Variants in TRABD2A observed in about 807,000 individuals in gnomAD.
The protein encoded by TRABD2A is metalloprotease TIKI1.
Under a neutral mutation model 45.6 loss-of-function variants are expected in TRABD2A, and 43 were observed. That is an observed-to-expected ratio of 0.94 (90% CI 0.74 to 1.22). The LOEUF is 1.22. Ranked by LOEUF, TRABD2A falls within the 50% of genes most tolerant of loss-of-function variation. The pLI, the probability that TRABD2A is intolerant of heterozygous loss-of-function variation, is 0.00. For synonymous variants in TRABD2A, 269 were observed against 265.0 expected (o/e 1.02, Z -0.15); for missense variants, 642 against 652.4 (o/e 0.98, Z 0.17).
At chr2:84,880,749 G>T (rs1683175618) in intron 1 of TRABD2A, among the ~76,000 whole-genome samples, 183 bp downstream of exon 1, 1 of 152,172 alleles carries the variant, frequency 6.6e-6, no homozygotes, top group Admixed American at 6.5e-5. Flanking sequence ...CTGCGCCCCC[G>T]CGGGAAAGGG....
chr2:84,857,537 A>G (rs1254633567), intron 2 of TRABD2A, among the ~76,000 whole-genome samples: 1 of 152,220 alleles, frequency 6.6e-6, no homozygotes, highest in African/African-American at 2.4e-5. Context: ...CTGAATGATT[A>G]TCAACTATAT....
rs1288129249 is a variant in TRABD2A, at chr2:84,877,407, G to A, written c.108+3525C>T. The stretch of plus-strand genomic sequence containing the variant: ...TTAAAAGAAAAAAAAACTGAACCAC[G>A]ATTAACATGTCCCTTCTAACTTGTT... On this transcript the variant is annotated intron_variant, in intron 1 of 6. Transcript: ENST00000409520. Among the ~76,000 whole-genome samples the A allele has an allele frequency of 2.0e-5, 3 of 152,072 alleles. No individual in the cohort carries two copies. In the East Asian group the frequency reaches 5.8e-4, roughly 29 times the overall value.
At chr2:84,824,226 A>G in intron 5 of TRABD2A, 22 bp from the exon 6 acceptor site, 2 of 1,612,982 alleles carry the variant, frequency 1.2e-6, no homozygotes, top group Non-Finnish European at 1.7e-6. Context: ...TGGAAGGAGA[A>G]GGTATTTGGA....
At chr2:84,834,545 TTCA>T (rs1293386804) in intron 4 of TRABD2A, 1 of 152,420 alleles carries the variant, frequency 6.6e-6, no homozygotes, top group Non-Finnish European at 1.5e-5. Context: ...TTAAAACATT[TTCA>T]TCGTTTTGAC....
At chr2:84,835,909 A>G (rs1681493217) in intron 4 of TRABD2A, 1 of 152,364 alleles carries the variant, frequency 6.6e-6, no homozygotes, top group African/African-American at 2.4e-5. Flanking sequence ...TAATACCATG[A>G]CAATAATAAT....
Position 84,880,017 on chromosome 2 carries a change from G to C in TRABD2A, c.108+915C>G, listed in dbSNP as rs553483475. Among the ~76,000 whole-genome samples, 63 of 134,438 alleles carry C rather than the reference G, an allele frequency of 4.7e-4. No individual in the cohort carries two copies. In the South Asian group the frequency reaches 0.014, roughly 29 times the overall value. 88.2% of individuals were successfully genotyped at this position (134,438 alleles called of 152,430 possible). The stretch of plus-strand genomic sequence containing the variant: ...CCAACCCCCCCCACCCCCGCGTCGC[G>C]GGCGCACCAGAAGGATAAGCCTGGC... On this transcript the variant is annotated intron_variant, in intron 1 of 6. Transcript: ENST00000409520.
intron 2 of TRABD2A, among the ~76,000 whole-genome samples, chr2:84,846,514 G>A (rs983813412): frequency 2.0e-5 from 3 of 152,218 alleles, no homozygotes; most frequent in Non-Finnish European, 4.4e-5. Flanking sequence ...GCTGAGAAGA[G>A]CAAGGATCCT....
chr2:84,845,827 T>A (rs1004471303), intron 2 of TRABD2A, among the ~76,000 whole-genome samples: 1 of 152,142 alleles, frequency 6.6e-6, no homozygotes, highest in Non-Finnish European at 1.5e-5. Flanking sequence ...TGCCCACTGT[T>A]CCAAGCACTG....
intron 2 of TRABD2A, among the ~76,000 whole-genome samples, chr2:84,863,401 C>T (rs1203082345): frequency 1.3e-4 from 19 of 151,062 alleles, no homozygotes; most frequent in Admixed American, 1.2e-3. Context: ...CCAGCCATCA[C>T]GCCCGGCTAA....
Position 84,822,069 on chromosome 2 carries a change from G to T in TRABD2A, c.1366C>A (p.Leu456Met). ...AGTTCAGTGGAGATGTGCCTGTCCAGGACAGGGACCTGGAGTTGCGGGACT... is the reference window on the plus strand; with the variant it reads ...AGTTCAGTGGAGATGTGCCTGTCCATGACAGGGACCTGGAGTTGCGGGACT... Reference protein sequence around the residue: ...DIVPQLQVPVLDRHISTELRL... With the variant: ...DIVPQLQVPVMDRHISTELRL... The change falls in exon 7 of 7, where the codon CTG becomes ATG. Residue 456 changes from leucine to methionine, a missense_variant. Coordinates refer to ENST00000409520, the MANE Select transcript of TRABD2A (RefSeq NM_001277053.2). The T allele has an allele frequency of 6.3e-7, 1 of 1,586,576 alleles. No homozygotes were observed. Among genetic ancestry groups the T allele is most frequent in the Admixed American group, 1.8e-5 (1 of 55,724 alleles).
At chr2:84,822,468 A>C (rs1170623079) in intron 6 of TRABD2A, among the ~76,000 whole-genome samples, 1 of 152,160 alleles carries the variant, frequency 6.6e-6, no homozygotes, top group East Asian at 1.9e-4. Flanking sequence ...GCAGAGCCAG[A>C]CCATGCAGAT....
intron 1 of TRABD2A, among the ~76,000 whole-genome samples, chr2:84,878,904 G>C (rs188001869): frequency 1.3e-5 from 2 of 152,338 alleles, no homozygotes; most frequent in Admixed American, 1.3e-4. Flanking sequence ...GACAGAGTTT[G>C]CCCACAGAAT....
At chr2:84,831,826 G>C (rs1287923914) in intron 5 of TRABD2A, among the ~76,000 whole-genome samples, 2 of 152,168 alleles carry the variant, frequency 1.3e-5, no homozygotes, top group African/African-American at 2.4e-5. Context: ...GAAAACGCCA[G>C]TGTGGCCCCT....
intron 1 of TRABD2A, among the ~76,000 whole-genome samples, chr2:84,875,806 A>C (rs1305086007): frequency 1.3e-5 from 2 of 152,152 alleles, no homozygotes; most frequent in Non-Finnish European, 2.9e-5. Flanking sequence ...CAGCCTGGAC[A>C]ACATAGCAAG....
chr2:84,852,736 G>A (rs1682139895), intron 2 of TRABD2A, among the ~76,000 whole-genome samples: 3 of 152,200 alleles, frequency 2.0e-5, no homozygotes, highest in African/African-American at 7.2e-5. Flanking sequence ...CAAAGGCCCA[G>A]TGATGAGACC....
chr2:84,870,129 C>G, intron 2 of TRABD2A, 96 bp downstream of exon 2: 2 of 1,245,904 alleles, frequency 1.6e-6, no homozygotes, highest in Non-Finnish European at 1.1e-6. Context: ...AATTTCTAGA[C>G]AAGCTGTGCC....
chr2:84,874,966 G>A (rs1669437704), intron 1 of TRABD2A: 1 of 164,752 alleles, frequency 6.1e-6, no homozygotes, highest in Admixed American at 6.3e-5. Context: ...CCAATCTTTA[G>A]CCAGAGAACT....
At chr2:84,872,643 A>T (rs893490025) in intron 1 of TRABD2A, among the ~76,000 whole-genome samples, 3 of 152,230 alleles carry the variant, frequency 2.0e-5, no homozygotes, top group African/African-American at 7.2e-5. Flanking sequence ...TTGGATCATG[A>T]AGTTTCTATC....
chr2:84,863,453 C>G (rs917315829), intron 2 of TRABD2A, among the ~76,000 whole-genome samples: 1 of 150,978 alleles, frequency 6.6e-6, no homozygotes, highest in Non-Finnish European at 1.5e-5. Flanking sequence ...ACCATGGTCT[C>G]GATTTCCTGA....
Sources: allele counts gnomAD v4.1 joint callset (sites outside exome capture counted in the v4.1 genomes callset), GRCh38; gene constraint gnomAD v4.1.1; transcripts MANE v1.5; gene names NCBI Gene and HGNC (gene_info 2026-07-23, HGNC 2026-07-21).